Variants in BMP6 observed in about 807,000 individuals in gnomAD.
The protein encoded by BMP6 is VG-1-R.
In BMP6, 17 loss-of-function variants were observed where a neutral mutation model predicts 54.1. The observed-to-expected ratio is 0.31, with a 90% CI of 0.22 to 0.47. The LOEUF is 0.47. Ranked by LOEUF, BMP6 falls within the 20% of genes least tolerant of loss-of-function variation. The pLI is 1.00. For synonymous variants in BMP6, 328 were observed against 291.2 expected (o/e 1.13, Z -1.28); for missense variants, 720 against 690.4 (o/e 1.04, Z -0.48).
chr6:7,774,753 T>C (rs1757839376), intron 1 of BMP6, among the ~76,000 whole-genome samples: 1 of 152,250 alleles, frequency 6.6e-6, no homozygotes, highest in Non-Finnish European at 1.5e-5. Context: ...TCAGCTTTCC[T>C]TCCTTATTGA....
chr6:7,876,293 A>G (rs1337843126), intron 4 of BMP6, among the ~76,000 whole-genome samples: 2 of 152,160 alleles, frequency 1.3e-5, no homozygotes, highest in Non-Finnish European at 1.5e-5. Context: ...TTAAGAATTT[A>G]TGTGTTTGAT....
At chr6:7,866,543 A>T (rs1759427726) in intron 4 of BMP6, among the ~76,000 whole-genome samples, 1 of 152,092 alleles carries the variant, frequency 6.6e-6, no homozygotes, top group Non-Finnish European at 1.5e-5. Flanking sequence ...GTGATTCTAA[A>T]TTTTCATTTG....
chr6:7,876,440 C>A (rs1425689691), intron 4 of BMP6, among the ~76,000 whole-genome samples: 1 of 152,170 alleles, frequency 6.6e-6, no homozygotes, highest in East Asian at 1.9e-4. Flanking sequence ...TACTACTACT[C>A]CCTATTACTG....
chr6:7,873,155 G>A (rs1186106793), intron 4 of BMP6, among the ~76,000 whole-genome samples: 3 of 152,086 alleles, frequency 2.0e-5, no homozygotes, highest in Non-Finnish European at 2.9e-5. Context: ...CAAGTGAAAG[G>A]GCAAGGTCCC....
chr6:7,788,529 T>C (rs951450073), intron 1 of BMP6, among the ~76,000 whole-genome samples: 1 of 152,228 alleles, frequency 6.6e-6, no homozygotes, highest in Admixed American at 6.5e-5. Context: ...ATTTTAAAAA[T>C]AAACTTGGAT....
At chr6:7,811,853 T>A (rs933757773) in intron 1 of BMP6, among the ~76,000 whole-genome samples, 1 of 152,254 alleles carries the variant, frequency 6.6e-6, no homozygotes, top group Admixed American at 6.5e-5. Context: ...CCTAATTTTC[T>A]GTTTGGGTGA....
intron 1 of BMP6, among the ~76,000 whole-genome samples, chr6:7,804,778 T>C (rs1330144369): frequency 6.6e-6 from 1 of 152,250 alleles, no homozygotes. Context: ...ATTTCTACAG[T>C]GTCATGTATA....
At chr6:7,876,893 T>C (rs928924790) in intron 4 of BMP6, among the ~76,000 whole-genome samples, 4 of 152,164 alleles carry the variant, frequency 2.6e-5, no homozygotes, top group Admixed American at 1.3e-4. Flanking sequence ...TTTTTTTTCC[T>C]CTAGTTTTTG....
intron 1 of BMP6, among the ~76,000 whole-genome samples, chr6:7,728,091 C>T (rs144285819): frequency 3.6e-3 from 552 of 152,218 alleles, no homozygotes; most frequent in African/African-American, 0.013. Flanking sequence ...CCCACCGAGA[C>T]TTTTAGGGAA....
At chr6:7,878,123 C>G (rs1759650856) in intron 4 of BMP6, among the ~76,000 whole-genome samples, 1 of 152,182 alleles carries the variant, frequency 6.6e-6, no homozygotes, top group Non-Finnish European at 1.5e-5. Flanking sequence ...TGTCCCTTCT[C>G]TGAAGGGACA....
chr6:7,774,914 G>C (rs1757841728), intron 1 of BMP6, among the ~76,000 whole-genome samples: 2 of 152,184 alleles, frequency 1.3e-5, no homozygotes, highest in African/African-American at 2.4e-5. Flanking sequence ...GGCATCTGAT[G>C]AGGGCCTTCT....
At chr6:7,820,491 C>T (rs1038743473) in intron 1 of BMP6, among the ~76,000 whole-genome samples, 1 of 152,194 alleles carries the variant, frequency 6.6e-6, no homozygotes, top group Non-Finnish European at 1.5e-5. Flanking sequence ...CCCCTTCTGT[C>T]CCCACCAAAG....
chr6:7,877,456 T>C (rs746324937), intron 4 of BMP6, among the ~76,000 whole-genome samples: 1 of 151,932 alleles, frequency 6.6e-6, no homozygotes. Context: ...ACCCCATCTC[T>C]ACTAAAAATA....
At chr6:7,733,278 T>C (rs578181156) in intron 1 of BMP6, among the ~76,000 whole-genome samples, 1 of 152,374 alleles carries the variant, frequency 6.6e-6, no homozygotes, top group African/African-American at 2.4e-5. Context: ...TTTATTCTAT[T>C]TTTCTTCCTC....
intron 1 of BMP6, among the ~76,000 whole-genome samples, chr6:7,728,158 C>T (rs1761781893): frequency 1.3e-5 from 2 of 151,934 alleles, no homozygotes; most frequent in African/African-American, 4.8e-5. Context: ...GAGGTATCCA[C>T]GGCACTAGGG....
chr6:7,775,963 C>G (rs980767601), intron 1 of BMP6, among the ~76,000 whole-genome samples: 2 of 152,190 alleles, frequency 1.3e-5, no homozygotes, highest in African/African-American at 4.8e-5. Flanking sequence ...AATGAAACAG[C>G]ACTTCCTCTA....
intron 2 of BMP6, among the ~76,000 whole-genome samples, chr6:7,859,272 C>T (rs577265220): frequency 1.2e-4 from 18 of 152,214 alleles, no homozygotes; most frequent in African/African-American, 4.1e-4. Flanking sequence ...AGACCCTGAT[C>T]TTTAAAAATA....
chr6:7,750,319 A>G (rs1451353146), intron 1 of BMP6, among the ~76,000 whole-genome samples: 1 of 152,034 alleles, frequency 6.6e-6, no homozygotes, highest in Non-Finnish European at 1.5e-5. Flanking sequence ...ACGTGTAGAT[A>G]CATGGAACTT....
rs928969975 is a variant in BMP6, at chr6:7,763,269, A to G, written c.664+35650A>G. The stretch of plus-strand genomic sequence containing the variant: ...GAACTCAAAGAAATGAAAGCACAAC[A>G]TACCCCTTTACTTTGAAACAAGAGG... On this transcript the variant is annotated intron_variant, in intron 1 of 6. Coordinates refer to ENST00000283147, the MANE Select transcript of BMP6 (RefSeq NM_001718.6). Among the ~76,000 whole-genome samples, 4 of 152,340 alleles carry G rather than the reference A, an allele frequency of 2.6e-5. No individual in the cohort carries two copies. In the East Asian group the frequency reaches 5.8e-4, roughly 22 times the overall value.
Sources: allele counts gnomAD v4.1 joint callset (sites outside exome capture counted in the v4.1 genomes callset), GRCh38; gene constraint gnomAD v4.1.1; transcripts MANE v1.5; gene names NCBI Gene and HGNC (gene_info 2026-07-23, HGNC 2026-07-21).